The following PPM1B variants were observed in gnomAD, a reference collection of about 807,000 sequenced individuals.
PPM1B encodes protein phosphatase, Mg2+/Mn2+ dependent 1B.
A neutral mutation model predicts 43.0 loss-of-function variants in PPM1B; 22 were observed. The ratio of observed to expected loss-of-function variants is 0.51; its 90% confidence interval spans 0.37 to 0.73. The LOEUF (loss-of-function observed/expected upper bound fraction) is 0.73, where lower values mean the gene tolerates loss of function less well. Ranked by LOEUF, PPM1B falls within the 30% of genes least tolerant of loss-of-function variation. The pLI, the probability that PPM1B is intolerant of heterozygous loss-of-function variation, is 0.00. For synonymous variants in PPM1B, 217 were observed against 197.9 expected, an observed-to-expected ratio of 1.10 and a Z score of -0.81; for missense variants, 632 against 584.2, an observed-to-expected ratio of 1.08 and a Z score of -0.84.
At chr2:44,196,011 C>T in intron 1 of PPM1B, among the ~76,000 whole-genome samples, 1 of 152,144 alleles carries the variant, frequency 6.6e-6, no homozygotes, top group East Asian at 1.9e-4. Context: ...GACCTTCTCC[C>T]CAGCCAGTAT....
downstream of PPM1B, among the ~76,000 whole-genome samples, chr2:44,235,558 G>A (rs1464485968): frequency 1.4e-5 from 2 of 145,906 alleles, no homozygotes; most frequent in Non-Finnish European, 3.0e-5. Context: ...AGCTGAGATC[G>A]TGCCATTGCA....
intron 1 of PPM1B, among the ~76,000 whole-genome samples, chr2:44,192,224 T>TTGTAC (rs1668440538): frequency 6.6e-6 from 1 of 151,722 alleles, no homozygotes; most frequent in African/African-American, 2.4e-5. Context: ...TTGTATTGTA[T>TTGTAC]TGTATTGTAT....
chr2:44,180,358 A>G (rs1474628464), intron 1 of PPM1B, among the ~76,000 whole-genome samples: 1 of 152,306 alleles, frequency 6.6e-6, no homozygotes, highest in East Asian at 1.9e-4. Flanking sequence ...CAGGAAACAA[A>G]CCAAGTAATA....
intron 5 of PPM1B, among the ~76,000 whole-genome samples, chr2:44,224,356 G>C (rs1670117415): frequency 6.6e-6 from 1 of 151,078 alleles, no homozygotes; most frequent in Non-Finnish European, 1.5e-5. Context: ...TCGGGAGGCT[G>C]AGGCAGGAGA....
chr2:44,241,519 G>T (rs1366577925), intron 5 of PPM1B, among the ~76,000 whole-genome samples: 4 of 142,692 alleles, frequency 2.8e-5, no homozygotes, highest in African/African-American at 9.9e-5. Flanking sequence ...ATCACTTGAG[G>T]TCAAGAGTTC....
intron 3 of PPM1B, among the ~76,000 whole-genome samples, chr2:44,216,217 G>C (rs1361178572): frequency 6.6e-6 from 1 of 152,186 alleles, no homozygotes; most frequent in African/African-American, 2.4e-5. Context: ...ATGCATGGTA[G>C]TGGTAAATTG....
chr2:44,229,525 CAT>C (rs1455483155), intron 5 of PPM1B, among the ~76,000 whole-genome samples: 1 of 152,156 alleles, frequency 6.6e-6, no homozygotes, highest in Non-Finnish European at 1.5e-5. Context: ...ATTCTGAATT[CAT>C]ATGATTGTTT....
At chr2:44,174,932 G>T (rs1057032384) in intron 1 of PPM1B, among the ~76,000 whole-genome samples, 1 of 152,096 alleles carries the variant, frequency 6.6e-6, no homozygotes, top group Non-Finnish European at 1.5e-5. Context: ...ATTTTCTGTT[G>T]AACACAGGTG....
intron 5 of PPM1B, chr2:44,244,227 G>T: frequency 7.7e-7 from 1 of 1,303,546 alleles, no homozygotes; most frequent in Non-Finnish European, 1.0e-6. Flanking sequence ...ATATCCACCA[G>T]ATGGCAGTCT....
intron 1 of PPM1B, among the ~76,000 whole-genome samples, chr2:44,176,269 C>G (rs528701973): frequency 6.6e-6 from 1 of 152,234 alleles, no homozygotes; most frequent in East Asian, 1.9e-4. Flanking sequence ...TTTTTTAAGT[C>G]TGATTTAAAT....
intron 5 of PPM1B, chr2:44,229,926 T>C: frequency 1.5e-6 from 2 of 1,364,200 alleles, no homozygotes; most frequent in African/African-American, 1.5e-5. Context: ...CCGTAAAAAC[T>C]CTAAAATCTT....
At chr2:44,194,730 A>T (rs1168917723) in intron 1 of PPM1B, among the ~76,000 whole-genome samples, 1 of 151,056 alleles carries the variant, frequency 6.6e-6, no homozygotes, top group Non-Finnish European at 1.5e-5. Context: ...CTCAAAAAAA[A>T]GAAGAAGGCT....
intron 5 of PPM1B, chr2:44,229,904 T>C (rs895330828): frequency 8.2e-7 from 1 of 1,213,658 alleles, no homozygotes; most frequent in African/African-American, 1.6e-5. Context: ...AAAAAGTAAA[T>C]ACAATTTTTA....
In PPM1B at chr2:44,201,604, G is replaced by C; in HGVS notation, c.405G>C (p.Val135=). 6.2e-7 allele frequency: 1 copy of C among 1,614,160 alleles called. No homozygotes were observed. The highest frequency in any genetic ancestry group is 8.5e-7 in the Non-Finnish European group (1 of 1,180,022). Residue 135 remains valine, a synonymous_variant, in exon 2 of 6, where the codon GTG becomes GTC. Coordinates refer to ENST00000282412, the MANE Select transcript of PPM1B (RefSeq NM_002706.6). This position sits in a 1 kb window ranked among gnomAD's most constrained non-coding sequence, Gnocchi z 5.4. ...NGMDRSGSTA[V]GVMISPKHIY... ...TGGACAGGAGTGGTTCAACTGCAGT[G>C]GGAGTTATGATTTCACCTAAGCATA...
intron 5 of PPM1B, chr2:44,230,197 A>G: frequency 2.1e-6 from 3 of 1,418,810 alleles, no homozygotes; most frequent in Non-Finnish European, 2.8e-6. Flanking sequence ...TAAGACATAA[A>G]CTAGTTAATG....
chr2:44,169,106 C>T lies in PPM1B; in HGVS notation c.-183C>T. ...GGAGAGAAGGCGGCATCGGCGGCGGCGGCGGCGTGAGGGGCCGGGCGGTGT... is the reference window on the plus strand; with the variant it reads ...GGAGAGAAGGCGGCATCGGCGGCGGTGGCGGCGTGAGGGGCCGGGCGGTGT... On this transcript the variant is annotated 5_prime_UTR_variant, in exon 1 of 6. Transcript: ENST00000282412. The T allele has an allele frequency of 1.7e-5, 3 of 180,252 alleles. No homozygotes were observed. Among genetic ancestry groups the T allele is most frequent in the South Asian group, 1.8e-4 (2 of 11,370 alleles). The allele number at this position is 180,252 out of a possible 1,614,324, so 11.2% of individuals were successfully genotyped here.
At chr2:44,237,265 G>T (rs1469838336), downstream of PPM1B, among the ~76,000 whole-genome samples, 2 of 151,860 alleles carry the variant, frequency 1.3e-5, no homozygotes, top group Non-Finnish European at 2.9e-5. Context: ...GTTTGTTTTT[G>T]CCTGTTGTTT....
chr2:44,181,974 A>C (rs1667896182), intron 1 of PPM1B, among the ~76,000 whole-genome samples: 1 of 152,150 alleles, frequency 6.6e-6, no homozygotes, highest in Non-Finnish European at 1.5e-5. Context: ...AGTTTTTTTG[A>C]TTTGAGAGTG....
chr2:44,210,215 A>ATTT (rs11322876), intron 3 of PPM1B, among the ~76,000 whole-genome samples: 1 of 136,240 alleles, frequency 7.3e-6, no homozygotes. Flanking sequence ...TTGGCAATAA[A>ATTT]TTTTTTTTTT....
Sources: allele counts gnomAD v4.1 joint callset (sites outside exome capture counted in the v4.1 genomes callset), GRCh38; gene constraint gnomAD v4.1.1; non-coding constraint Gnocchi (gnomAD v3.1); transcripts MANE v1.5; gene names NCBI Gene and HGNC (gene_info 2026-07-23, HGNC 2026-07-21).